The following USP7 variants were observed in gnomAD, a reference collection of about 807,000 sequenced individuals.
The protein encoded by USP7 is ubiquitin C-terminal hydrolase 7.
A neutral mutation model predicts 162.9 loss-of-function variants in USP7; 9 were observed. The ratio of observed to expected loss-of-function variants is 0.06; its 90% confidence interval spans 0.03 to 0.10. USP7 has a LOEUF of 0.10. USP7 is among the 10% of genes least tolerant of loss of function. The pLI, the probability that USP7 is intolerant of heterozygous loss-of-function variation, is 1.00. For synonymous variants in USP7, 562 were observed against 475.9 expected (o/e 1.18, Z -2.35); for missense variants, 715 against 1,373.7 (o/e 0.52, Z 7.58).
chr16:8,896,797 CT>C (rs2061687940), intron 26 of USP7, among the ~76,000 whole-genome samples: 1 of 152,150 alleles, frequency 6.6e-6, no homozygotes, highest in Non-Finnish European at 1.5e-5. Context: ...AGGGTTACCC[CT>C]GAGACTTGAA....
chr16:8,899,893 G>C, intron 21 of USP7, 136 bp from the exon 22 acceptor site: 1 of 1,076,676 alleles, frequency 9.3e-7, no homozygotes, highest in Non-Finnish European at 1.4e-6. Context: ...CCCTTTGAGG[G>C]GGCCAGGCAT....
chr16:8,900,891 A>G, intron 20 of USP7, 99 bp downstream of exon 20: 1 of 1,212,008 alleles, frequency 8.3e-7, no homozygotes, highest in East Asian at 2.5e-5. Flanking sequence ...GTTAGCTGGT[A>G]GACCTAACAC....
At chr16:8,899,900 G>A in intron 21 of USP7, 143 bp from the exon 22 acceptor site, 1 of 978,064 alleles carries the variant, frequency 1.0e-6, no homozygotes, top group Non-Finnish European at 1.6e-6. Context: ...AGGGGGCCAG[G>A]CATCTGCCTG....
chr16:8,936,280 A>G lies in USP7; in HGVS notation c.80-5883T>C, dbSNP rs192377097. Among the ~76,000 whole-genome samples, 6 of 152,170 alleles carry G rather than the reference A, an allele frequency of 3.9e-5. No individual in the cohort carries two copies. The East Asian group carries it at 5.8e-4, about 15-fold the overall frequency. ...AACACCTGGTCTCTGGGTGGCTCAC[A>G]TGGCGCCCTACAGCCCATCTCACCC... On this transcript the variant is annotated intron_variant, in intron 1 of 30. Transcript: ENST00000344836.
intron 13 of USP7, among the ~76,000 whole-genome samples, chr16:8,905,806 G>A (rs533726486): frequency 6.6e-6 from 1 of 152,342 alleles, no homozygotes; most frequent in South Asian, 2.1e-4. Flanking sequence ...AACGTAGCAT[G>A]TTCCTAACAG....
chr16:8,916,804 G>A (rs1029206560), intron 7 of USP7, among the ~76,000 whole-genome samples: 5 of 152,138 alleles, frequency 3.3e-5, no homozygotes, highest in East Asian at 3.9e-4. Flanking sequence ...AACCTTAAGC[G>A]GTGAATTCTT....
chr16:8,910,272 C>T (rs1279103147), intron 11 of USP7, among the ~76,000 whole-genome samples: 1 of 152,166 alleles, frequency 6.6e-6, no homozygotes, highest in African/African-American at 2.4e-5. Context: ...ATGCTCACTG[C>T]TCTCTCAGAT....
At position 8,903,142 on chromosome 16, in the gene USP7, C is replaced by T. The variant is rs2061804103; in HGVS notation, c.1839+126G>A. On this transcript the variant is annotated intron_variant, in intron 16 of 30. Coordinates refer to ENST00000344836, the MANE Select transcript of USP7 (RefSeq NM_003470.3). ...GCAGGAAATGTTCCTGGGTCACACT[C>T]CTCACTGTTAGGCAGTGGCTGGACA... is the stretch of plus-strand genomic sequence containing the variant. 7.0e-6 allele frequency: 9 copies of T among 1,283,542 alleles called. No individual in the cohort carries two copies. In the East Asian group the frequency reaches 2.2e-4, roughly 31 times the overall value. The allele number at this position is 1,283,542 out of a possible 1,614,324, so 79.5% of individuals were successfully genotyped here. A position where few individuals can be genotyped will look rare whatever the true frequency, so the allele number is the denominator to read the frequency against.
intron 1 of USP7, among the ~76,000 whole-genome samples, chr16:8,959,043 G>A (rs968335678): frequency 3.3e-5 from 5 of 152,162 alleles, no homozygotes; most frequent in African/African-American, 1.2e-4. Flanking sequence ...GGCTGCAAAA[G>A]CCCTACCACC....
chr16:8,930,813 G>C (rs190301410), intron 1 of USP7, among the ~76,000 whole-genome samples: 19 of 152,118 alleles, frequency 1.2e-4, no homozygotes, highest in African/African-American at 4.6e-4. Context: ...TACTAGAAAT[G>C]CAAAAATTAG....
chr16:8,902,591 T>C, intron 16 of USP7, 109 bp from the exon 17 acceptor site: 2 of 941,144 alleles, frequency 2.1e-6, no homozygotes, highest in Admixed American at 5.8e-5. Context: ...ATAGTCAATG[T>C]TAAGACTGTG....
At chr16:8,954,485 T>C (rs1899698112) in intron 1 of USP7, among the ~76,000 whole-genome samples, 1 of 152,184 alleles carries the variant, frequency 6.6e-6, no homozygotes, top group South Asian at 2.1e-4. Flanking sequence ...CAATACAGCT[T>C]GTGAGATTTT....
rs1179953792 is a variant in USP7 at position 8,892,499 on chromosome 16, A to C, written c.*1499T>G. 1.3e-5 allele frequency: 2 copies of C among 151,910 alleles called. No individual in the cohort carries two copies. The highest frequency in any genetic ancestry group is 2.9e-5 in the Non-Finnish European group (2 of 67,996). The allele number at this position is 151,910 out of a possible 1,614,324, so 9.4% of individuals were successfully genotyped here. A position where few individuals can be genotyped will look rare whatever the true frequency, so the allele number is the denominator to read the frequency against. On this transcript the variant is annotated 3_prime_UTR_variant, in exon 31 of 31. Transcript: ENST00000344836. The stretch of plus-strand genomic sequence containing the variant: ...GCCCACGATAGCGCCTGCCGCCCCG[A>C]AGGGCCTCGTGACACATCAGGTCAC...
chr16:8,942,480 T>C (rs1899092591), intron 1 of USP7, among the ~76,000 whole-genome samples: 1 of 152,246 alleles, frequency 6.6e-6, no homozygotes, highest in South Asian at 2.1e-4. Flanking sequence ...TAGATCCCTG[T>C]GTACTCTAAA....
chr16:8,959,356 C>CAAAAAA (rs34434646), intron 1 of USP7, among the ~76,000 whole-genome samples: 7 of 142,498 alleles, frequency 4.9e-5, no homozygotes, highest in Non-Finnish European at 6.1e-5. Flanking sequence ...AACACTAATT[C>CAAAAAA]AAAAAAAAAA....
At chr16:8,908,542 G>A in intron 11 of USP7, 92 bp from the exon 12 acceptor site, 2 of 1,065,626 alleles carry the variant, frequency 1.9e-6, no homozygotes, top group Non-Finnish European at 2.7e-6. Flanking sequence ...ATTGGAACAT[G>A]TCTGGAGACT....
chr16:8,899,253 C>A, intron 22 of USP7, 65 bp from the exon 23 acceptor site: 1 of 1,511,228 alleles, frequency 6.6e-7, no homozygotes, highest in African/African-American at 1.4e-5. Context: ...AAACTTCATG[C>A]TTAATTACTT....
At chr16:8,936,790 A>G in intron 1 of USP7, 1 of 1,293,012 alleles carries the variant, frequency 7.7e-7, no homozygotes, top group Non-Finnish European at 9.9e-7. Context: ...CTCAATTTAG[A>G]TAAGGCAGTC....
chr16:8,937,332 G>A (rs2141244200), intron 1 of USP7, among the ~76,000 whole-genome samples: 1 of 152,164 alleles, frequency 6.6e-6, no homozygotes, highest in Admixed American at 6.5e-5. Flanking sequence ...ATCACCTGAG[G>A]CCAGAAGTTT....
Sources: allele counts gnomAD v4.1 joint callset (sites outside exome capture counted in the v4.1 genomes callset), GRCh38; gene constraint gnomAD v4.1.1; transcripts MANE v1.5; gene names NCBI Gene and HGNC (gene_info 2026-07-23, HGNC 2026-07-21).